The following CTNNB1 variants were observed in gnomAD, a reference collection of about 807,000 sequenced individuals.
The protein encoded by CTNNB1 is catenin beta 1.
Under a neutral mutation model 82.5 loss-of-function variants are expected in CTNNB1, and 6 were observed. That is an observed-to-expected ratio of 0.07 (90% confidence interval 0.04 to 0.14). The LOEUF (loss-of-function observed/expected upper bound fraction) is 0.14, where lower values mean the gene tolerates loss of function less well. Among genes scored for constraint, CTNNB1 ranks in the 10% least tolerant of loss-of-function variants. The pLI is 1.00. For synonymous variants in CTNNB1, 312 were observed against 329.7 expected (o/e 0.95, Z 0.58); for missense variants, 529 against 980.4 (o/e 0.54, Z 6.15).
At chr3:41,224,164 T>A in intron 2 of CTNNB1, 83 bp downstream of exon 2, 1 of 1,481,794 alleles carries the variant, frequency 6.7e-7, no homozygotes, top group Non-Finnish European at 9.4e-7. Context: ...TCCCCCTGCT[T>A]TCCTCTCTCC....
chr3:41,235,631 G>A, intron 10 of CTNNB1, 93 bp from the exon 11 acceptor site: 2 of 1,539,714 alleles, frequency 1.3e-6, no homozygotes, highest in East Asian at 2.3e-5. Flanking sequence ...GGGGAACTTC[G>A]GGTATATAAT....
chr3:41,220,781 A>G (rs556565297), intron 1 of CTNNB1: 1 of 152,320 alleles, frequency 6.6e-6, no homozygotes, highest in Non-Finnish European at 1.5e-5. Flanking sequence ...GTTTTAAAAT[A>G]TGTCTGCTTT....
chr3:41,216,785 A>C (rs1328224357), intron 1 of CTNNB1, among the ~76,000 whole-genome samples: 3 of 152,226 alleles, frequency 2.0e-5, no homozygotes, highest in African/African-American at 4.8e-5. Context: ...GTATGCAAAA[A>C]TATATGTACA....
Position 41,233,531 on chromosome 3 carries a change from A to C in CTNNB1, c.1188A>C (p.Glu396Asp), listed in dbSNP as rs751375496. 42 of 1,614,004 alleles carry C rather than the reference A, an allele frequency of 2.6e-5. 1 individual carries two copies. The Middle Eastern group carries it at 4.9e-4, about 19-fold the overall frequency. Residue 396 changes from glutamate to aspartate, a missense_variant and splice_region_variant, in exon 9 of 15, where the codon GAA becomes GAC. Physicochemically the swap from Glu to Asp is conservative, Grantham distance 45. Coordinates refer to ENST00000349496, the MANE Select transcript of CTNNB1 (RefSeq NM_001904.4). Reference protein sequence around the residue: ...RNLSDAATKQEGMEGLLGTLV... With the variant: ...RNLSDAATKQDGMEGLLGTLV... ...ACCATCTGTTTTTATCTCCATAGGAAGGGATGGAAGGTCTCCTTGGGACTC... is the reference window on the plus strand; with the variant it reads ...ACCATCTGTTTTTATCTCCATAGGACGGGATGGAAGGTCTCCTTGGGACTC...
rs1306666434 is a variant in CTNNB1 at position 41,234,220 on chromosome 3, C to A, written c.1606C>A (p.Leu536Ile). Reference sequence around the variant, plus strand: ...GCGTGAGCAGGGTGCCATTCCACGACTAGTTCAGTTGCTTGTTCGTGCACA... The same window carrying A: ...GCGTGAGCAGGGTGCCATTCCACGAATAGTTCAGTTGCTTGTTCGTGCACA... ...PLREQGAIPRLVQLLVRAHQD... is the reference protein window; with the variant it reads ...PLREQGAIPRIVQLLVRAHQD... Residue 536 changes from leucine (L) to isoleucine (I), a missense_variant, in exon 10 of 15, where the codon CTA becomes ATA. Leu to Ile is a conservative substitution (Grantham distance 5, BLOSUM62 2). Around this residue, in one of 4 missense-constraint regions of CTNNB1, gnomAD observed 411 missense variants for 776.4 expected, o/e 0.53. Coordinates refer to ENST00000349496, the MANE Select transcript of CTNNB1 (RefSeq NM_001904.4). 1 of 1,614,184 alleles carries A rather than the reference C, an allele frequency of 6.2e-7. No individual in the cohort carries two copies. Among genetic ancestry groups the A allele is most frequent in the Non-Finnish European group, 8.5e-7 (1 of 1,180,030 alleles).
At chr3:41,212,653 C>T (rs1161582903) in intron 1 of CTNNB1, among the ~76,000 whole-genome samples, 1 of 152,166 alleles carries the variant, frequency 6.6e-6, no homozygotes, top group Non-Finnish European at 1.5e-5. Context: ...CAACCAGCTA[C>T]CCATGCCTAT....
At chr3:41,211,264 G>T (rs2077779617) in intron 1 of CTNNB1, among the ~76,000 whole-genome samples, 1 of 152,148 alleles carries the variant, frequency 6.6e-6, no homozygotes, top group Non-Finnish European at 1.5e-5. Context: ...GACCACTGTT[G>T]TATGTGCAGT....
chr3:41,210,558 T>C (rs1292418674), intron 1 of CTNNB1, among the ~76,000 whole-genome samples: 1 of 152,168 alleles, frequency 6.6e-6, no homozygotes, highest in Non-Finnish European at 1.5e-5. Context: ...ATCTTGTCCT[T>C]CTGGAATGTC....
intron 1 of CTNNB1, among the ~76,000 whole-genome samples, chr3:41,202,425 T>C (rs908492703): frequency 3.3e-5 from 5 of 152,256 alleles, no homozygotes; most frequent in African/African-American, 1.2e-4. Context: ...CATGTTGATT[T>C]GTGACATTGT....
chr3:41,236,370 A>C lies in CTNNB1; in HGVS notation c.1825A>C (p.Asn609His). Residue 609 changes from asparagine to histidine, a missense_variant, in exon 12 of 15, where the codon AAC (asparagine) becomes CAC (histidine). This residue lies in a region of CTNNB1 where 411 missense variants were observed against 776.4 expected (regional missense o/e 0.53). Coordinates refer to ENST00000349496, the MANE Select transcript of CTNNB1 (RefSeq NM_001904.4). ...TTAGCTGCTTTATTCTCCCATTGAA[A>C]ACATCCAAAGAGTAGCTGCAGGGGT... is the stretch of plus-strand genomic sequence containing the variant. The part of the protein sequence containing the change: ...FVQLLYSPIE[N>H]IQRVAAGVLC... The C allele has an allele frequency of 6.2e-7, 1 of 1,614,178 alleles. No homozygotes were observed. The highest frequency in any genetic ancestry group is 1.1e-5 in the South Asian group (1 of 91,088).
chr3:41,215,455 C>T (rs1325043000), intron 1 of CTNNB1, among the ~76,000 whole-genome samples: 1 of 147,884 alleles, frequency 6.8e-6, no homozygotes, highest in Non-Finnish European at 1.5e-5. Context: ...CTCCATATTA[C>T]ATTTTGTGTG....
At chr3:41,213,350 C>G (rs1479671047) in intron 1 of CTNNB1, among the ~76,000 whole-genome samples, 1 of 152,160 alleles carries the variant, frequency 6.6e-6, no homozygotes, top group African/African-American at 2.4e-5. Context: ...TTCAAGAAGC[C>G]TTTGACCACT....
rs529152291 is a variant in CTNNB1, at chr3:41,225,942, C to A, written c.936+81C>A. ...ATGTCATTCCATGCAGTGTTCCTAA[C>A]CTTTTTGGCACCAGGGACCAGTTTC... On this transcript the variant is annotated intron_variant, in intron 6 of 14. Transcript: ENST00000349496. This position sits in a 1 kb window ranked among gnomAD's most constrained non-coding sequence, Gnocchi z 5.3. 5.1e-6 allele frequency: 7 copies of A among 1,366,014 alleles called. No homozygotes were observed. The Admixed American group carries it at 1.1e-4, about 22-fold the overall frequency. The allele number at this position is 1,366,014 out of a possible 1,614,324, so 84.6% of individuals were successfully genotyped here.
chr3:41,236,249 G>C, intron 11 of CTNNB1, 100 bp from the exon 12 acceptor site: 2 of 1,327,504 alleles, frequency 1.5e-6, no homozygotes, highest in Non-Finnish European at 1.1e-6. Context: ...CAGTGTGAAT[G>C]CCTCTTGCAC....
intron 1 of CTNNB1, chr3:41,211,149 A>G (rs537242272): frequency 1.2e-4 from 52 of 449,390 alleles, no homozygotes; most frequent in African/African-American, 9.4e-4. Flanking sequence ...CGTTTACACC[A>G]GCATCACCAC....
At chr3:41,233,184 C>A in intron 7 of CTNNB1, 157 bp from the exon 8 acceptor site, 1 of 715,312 alleles carries the variant, frequency 1.4e-6, no homozygotes, top group Non-Finnish European at 2.4e-6. Flanking sequence ...GGAAACTGAG[C>A]AACATTCTAG....
rs148965323 is a variant in CTNNB1, at chr3:41,238,291, C to G, written c.2137+215C>G. 284 of 579,150 alleles carry G rather than the reference C, an allele frequency of 4.9e-4. 1 individual carries two copies. In the East Asian group the frequency reaches 6.8e-3, roughly 14 times the overall value. 35.9% of individuals were successfully genotyped at this position (579,150 alleles called of 1,614,324 possible). The stretch of plus-strand genomic sequence containing the variant: ...ATGAGTAGCAGTAGGATTACACCAC[C>G]AACAAATACATGCTACTGCTAGGCC... On this transcript the variant is annotated intron_variant, in intron 14 of 14. Coordinates refer to ENST00000349496, the MANE Select transcript of CTNNB1 (RefSeq NM_001904.4).
intron 1 of CTNNB1, among the ~76,000 whole-genome samples, chr3:41,223,029 C>G (rs759437837): frequency 5.3e-5 from 8 of 152,118 alleles, no homozygotes; most frequent in Non-Finnish European, 1.0e-4. Context: ...CCAGTATGCA[C>G]CTCTGCACTC....
chr3:41,210,669 CTT>C (rs937377743), intron 1 of CTNNB1, among the ~76,000 whole-genome samples: 1 of 147,264 alleles, frequency 6.8e-6, no homozygotes, highest in Non-Finnish European at 1.5e-5. Flanking sequence ...TTATAGTTAA[CTT>C]TTTTTTTTTA....
Sources: gnomAD v4.1 joint callset for allele counts (sites outside exome capture counted in the v4.1 genomes callset) on GRCh38, gnomAD v4.1.1 for gene constraint, gnomAD v4.1.1 regional missense constraint, Gnocchi (gnomAD v3.1) non-coding constraint, MANE v1.5 for transcripts, NCBI Gene and HGNC (gene_info 2026-07-23, HGNC 2026-07-21) for gene names.